Variants in STK32A observed in about 807,000 individuals in gnomAD.
STK32A encodes the protein serine/threonine kinase 32A, also known as serine/threonine-protein kinase 32A.
Under a neutral mutation model 53.2 loss-of-function variants are expected in STK32A, and 41 were observed. The ratio of observed to expected loss-of-function variants is 0.77; its 90% confidence interval spans 0.60 to 1.00. The LOEUF (loss-of-function observed/expected upper bound fraction) is 1.00. STK32A is among the 50% of genes least tolerant of loss of function. The probability of loss-of-function intolerance (pLI) is 0.00; values close to 1 mark genes in which losing one functional copy is unlikely to be tolerated. For missense variants in STK32A, 458 were observed against 485.8 expected (o/e 0.94, Z 0.54); for synonymous variants, 166 against 162.8 (o/e 1.02, Z -0.15).
intron 2 of STK32A, among the ~76,000 whole-genome samples, chr5:147,255,752 G>A (rs1354183832): frequency 6.6e-6 from 1 of 152,160 alleles, no homozygotes; most frequent in Non-Finnish European, 1.5e-5. Context: ...TCCATTAACA[G>A]CATCTCTAGT....
At chr5:147,308,219 T>G (rs917955276) in intron 4 of STK32A, among the ~76,000 whole-genome samples, 1 of 151,868 alleles carries the variant, frequency 6.6e-6, no homozygotes, top group African/African-American at 2.4e-5. Context: ...TATGTAGATA[T>G]TCCTTAATTT....
At chr5:147,358,660 A>C (rs1007639554) in intron 7 of STK32A, among the ~76,000 whole-genome samples, 22 of 152,168 alleles carry the variant, frequency 1.4e-4, no homozygotes, top group African/African-American at 5.1e-4. Flanking sequence ...GAAAAGTAAG[A>C]CACCAAAGAA....
At chr5:147,357,243 T>A (rs1756288880) in intron 7 of STK32A, among the ~76,000 whole-genome samples, 1 of 152,134 alleles carries the variant, frequency 6.6e-6, no homozygotes. Flanking sequence ...AACTTGTACT[T>A]GCTCTGGAAG....
chr5:147,277,899 A>T (rs1751841996), intron 2 of STK32A, among the ~76,000 whole-genome samples: 1 of 152,124 alleles, frequency 6.6e-6, no homozygotes, highest in African/African-American at 2.4e-5. Context: ...AAAGGCAGAG[A>T]TTCTATGTTT....
intron 4 of STK32A, among the ~76,000 whole-genome samples, chr5:147,313,099 G>T (rs1320095634): frequency 1.4e-5 from 2 of 141,390 alleles, no homozygotes; most frequent in African/African-American, 5.3e-5. Context: ...GCCAGTCATG[G>T]TGGTACATGC....
chr5:147,332,122 C>G (rs1231137978), intron 5 of STK32A, among the ~76,000 whole-genome samples: 1 of 152,204 alleles, frequency 6.6e-6, no homozygotes, highest in African/African-American at 2.4e-5. Context: ...ACTCAGAGCA[C>G]CTTCTGTCCT....
chr5:147,241,619 T>C (rs191027163), intron 2 of STK32A, among the ~76,000 whole-genome samples: 9 of 152,358 alleles, frequency 5.9e-5, no homozygotes, highest in African/African-American at 1.7e-4. Flanking sequence ...TTTGAAATTA[T>C]ATAGCTGGAA....
chr5:147,385,541 T>C lies in STK32A; in HGVS notation c.*1558T>C, dbSNP rs1757615999. ...ATCATGTCTCCCTTCTCCCTTGTGCTTACTACAAGAATGGCAGGCAGAATT... is the reference window on the plus strand; with the variant it reads ...ATCATGTCTCCCTTCTCCCTTGTGCCTACTACAAGAATGGCAGGCAGAATT... On this transcript the variant is annotated 3_prime_UTR_variant, in exon 13 of 13. Coordinates refer to ENST00000397936, the MANE Select transcript of STK32A (RefSeq NM_001112724.2). 6.6e-6 allele frequency: 1 copy of C among 152,220 alleles called. No individual in the cohort carries two copies. Among genetic ancestry groups the C allele is most frequent in the Non-Finnish European group, 1.5e-5 (1 of 68,034 alleles). The allele number at this position is 152,220 out of a possible 1,614,324, so 9.4% of individuals were successfully genotyped here. A position where few individuals can be genotyped will look rare whatever the true frequency, so the allele number is the denominator to read the frequency against.
intron 4 of STK32A, among the ~76,000 whole-genome samples, chr5:147,312,748 T>C (rs1753766085): frequency 6.6e-6 from 1 of 152,228 alleles, no homozygotes; most frequent in African/African-American, 2.4e-5. Context: ...GAGAAAGCGC[T>C]GAAATAGGCA....
At chr5:147,325,060 A>C (rs1275709845) in intron 5 of STK32A, among the ~76,000 whole-genome samples, 2 of 152,206 alleles carry the variant, frequency 1.3e-5, no homozygotes, top group East Asian at 3.8e-4. Context: ...TTAAACCTAG[A>C]TCTCTCTGAC....
chr5:147,376,925 A>T (rs1757255315), intron 11 of STK32A, among the ~76,000 whole-genome samples: 4 of 152,200 alleles, frequency 2.6e-5, no homozygotes, highest in African/African-American at 9.6e-5. Flanking sequence ...CATTACCCTG[A>T]TACCAAACTG....
chr5:147,339,595 G>A (rs2151986596), intron 5 of STK32A, among the ~76,000 whole-genome samples: 1 of 152,362 alleles, frequency 6.6e-6, no homozygotes, highest in Admixed American at 6.5e-5. Flanking sequence ...AAAAGCTGCA[G>A]ACATACAATG....
intron 2 of STK32A, among the ~76,000 whole-genome samples, chr5:147,274,707 A>G (rs892201307): frequency 6.6e-6 from 1 of 152,226 alleles, no homozygotes; most frequent in East Asian, 1.9e-4. Context: ...GCAATATTCT[A>G]TGCACATGAC....
Position 147,379,815 on chromosome 5 carries a change from C to CT in STK32A, c.1033-3625dup, listed in dbSNP as rs1757382946. On this transcript the variant is annotated intron_variant, in intron 11 of 12. Transcript: ENST00000397936. ...TATGATAATTTAATCAGTGTTTGCTCTGCTCATCCTTGATATGTGAGTCCT... is the reference window on the plus strand; with the variant it reads ...TATGATAATTTAATCAGTGTTTGCTCTTGCTCATCCTTGATATGTGAGTCCT... 9.9e-5 allele frequency among the ~76,000 whole-genome samples: 15 copies of CT among 152,268 alleles called. No individual in the cohort carries two copies. In the South Asian group the frequency reaches 2.9e-3, roughly 29 times the overall value.
intron 4 of STK32A, among the ~76,000 whole-genome samples, chr5:147,288,436 C>A (rs1403172633): frequency 6.6e-6 from 1 of 152,120 alleles, no homozygotes; most frequent in Non-Finnish European, 1.5e-5. Context: ...TTAGTCAGTT[C>A]TCACATTGCT....
At chr5:147,397,644 T>C in the STK32A span, 1 of 1,607,282 alleles carries the variant, frequency 6.2e-7, no homozygotes, top group Admixed American at 1.7e-5. Flanking sequence ...CTGCACCACC[T>C]CAGAGCTCCA....
intron 2 of STK32A, among the ~76,000 whole-genome samples, chr5:147,277,687 T>A (rs899476718): frequency 1.5e-4 from 23 of 152,204 alleles, no homozygotes; most frequent in African/African-American, 5.1e-4. Context: ...TGGGAGCAGA[T>A]CTTTCTGAAG....
intron 2 of STK32A, among the ~76,000 whole-genome samples, chr5:147,242,962 T>C (rs4705139): frequency 0.41 from 62,445 of 151,942 alleles, 12,967 homozygotes; most frequent in Admixed American, 0.45. Context: ...ACATTAATGC[T>C]TATGTCATTT....
intron 5 of STK32A, among the ~76,000 whole-genome samples, chr5:147,325,879 C>T (rs533885303): frequency 2.6e-5 from 4 of 152,302 alleles, no homozygotes; most frequent in African/African-American, 7.2e-5. Flanking sequence ...TTGCCAACCA[C>T]AGCCTATCTT....
Sources: gnomAD v4.1 joint callset for allele counts (sites outside exome capture counted in the v4.1 genomes callset) on GRCh38, gnomAD v4.1.1 for gene constraint, MANE v1.5 for transcripts, NCBI Gene and HGNC (gene_info 2026-07-23, HGNC 2026-07-21) for gene names.